Variants in GDA observed in about 807,000 individuals in gnomAD.
GDA encodes the protein guanine deaminase.
In GDA, 18 loss-of-function variants were observed where a neutral mutation model predicts 59.6. That is an observed-to-expected ratio of 0.30 (90% confidence interval 0.21 to 0.45). The LOEUF is 0.45. GDA is among the 20% of genes least tolerant of loss of function. GDA has a pLI of 1.00. For synonymous variants in GDA, 201 were observed against 201.1 expected, an observed-to-expected ratio of 1.00 and a Z score of 0.00; for missense variants, 427 against 552.3, an observed-to-expected ratio of 0.77 and a Z score of 2.27.
intron 11 of GDA, among the ~76,000 whole-genome samples, chr9:72,242,956 A>G (rs1168452846): frequency 6.6e-6 from 1 of 152,156 alleles, no homozygotes; most frequent in Non-Finnish European, 1.5e-5. Context: ...GTGCCTACCA[A>G]ATCATTTCTA....
intron 8 of GDA, among the ~76,000 whole-genome samples, chr9:72,226,733 A>G (rs1346419675): frequency 6.6e-6 from 1 of 152,222 alleles, no homozygotes; most frequent in African/African-American, 2.4e-5. Context: ...CATTCTTTAT[A>G]TATTTTCCAT....
intron 10 of GDA, among the ~76,000 whole-genome samples, chr9:72,237,780 T>A (rs1189198488): frequency 6.6e-6 from 1 of 152,134 alleles, no homozygotes; most frequent in East Asian, 1.9e-4. Context: ...GGAAACTTGA[T>A]CATTATCTTT....
intron 1 of GDA, among the ~76,000 whole-genome samples, chr9:72,151,274 A>G: frequency 6.6e-6 from 1 of 152,218 alleles, no homozygotes; most frequent in Non-Finnish European, 1.5e-5. Flanking sequence ...CCACAAGACA[A>G]AATGACTTAG....
chr9:72,241,405 G>C (rs1017557790), intron 11 of GDA, 107 bp downstream of exon 11: 2 of 779,494 alleles, frequency 2.6e-6, no homozygotes, highest in Non-Finnish European at 3.9e-6. Context: ...TCCAATATTT[G>C]TGATGATCAC....
intron 3 of GDA, among the ~76,000 whole-genome samples, chr9:72,205,124 A>AT (rs941569786): frequency 6.6e-5 from 10 of 151,722 alleles, no homozygotes; most frequent in African/African-American, 2.4e-4. Context: ...AAAAAAAAAA[A>AT]AAAAAAAATT....
chr9:72,133,312 AAT>A (rs1161680054), intron 1 of GDA, among the ~76,000 whole-genome samples: 2 of 119,764 alleles, frequency 1.7e-5, no homozygotes, highest in African/African-American at 5.7e-5. Context: ...AAAAAAAAAT[AAT>A]AATAATAATA....
chr9:72,225,089 C>A (rs769234771), intron 7 of GDA, among the ~76,000 whole-genome samples: 39 of 152,144 alleles, frequency 2.6e-4, no homozygotes, highest in Non-Finnish European at 5.1e-4. Context: ...TGAGACCAGC[C>A]TGGCCAACAT....
intron 1 of GDA, among the ~76,000 whole-genome samples, chr9:72,127,403 C>T (rs781249320): frequency 5.3e-5 from 8 of 151,978 alleles, no homozygotes; most frequent in Non-Finnish European, 1.0e-4. Flanking sequence ...CTTTGGAAGG[C>T]GGAGGTGGGC....
At chr9:72,238,962 G>C (rs11143192) in intron 10 of GDA, among the ~76,000 whole-genome samples, 15 of 152,146 alleles carry the variant, frequency 9.9e-5, no homozygotes, top group Non-Finnish European at 1.6e-4. Flanking sequence ...AAAGCAAAAA[G>C]TTCCATGCGC....
At chr9:72,145,763 G>T (rs533676851), upstream of GDA, among the ~76,000 whole-genome samples, 1 of 152,236 alleles carries the variant, frequency 6.6e-6, no homozygotes, top group South Asian at 2.1e-4. Context: ...CTCTATGTCT[G>T]AACATTCTCA....
intron 13 of GDA, 63 bp downstream of exon 13, chr9:72,247,496 G>C (rs1362607296): frequency 1.2e-6 from 1 of 864,462 alleles, no homozygotes; most frequent in African/African-American, 1.7e-5. Context: ...TTTTTCTTGG[G>C]TATGGCTCTA....
intron 1 of GDA, among the ~76,000 whole-genome samples, chr9:72,166,129 T>C (rs1829282638): frequency 6.6e-6 from 1 of 152,158 alleles, no homozygotes; most frequent in Admixed American, 6.5e-5. Flanking sequence ...TTTTTCACTG[T>C]CCTGACAATC....
At chr9:72,239,880 G>A (rs1230938713) in intron 10 of GDA, among the ~76,000 whole-genome samples, 2 of 152,036 alleles carry the variant, frequency 1.3e-5, no homozygotes, top group Non-Finnish European at 1.5e-5. Flanking sequence ...ACATAAAATT[G>A]AGCTACAATC....
intron 11 of GDA, among the ~76,000 whole-genome samples, chr9:72,244,360 A>C (rs1246949589): frequency 6.6e-6 from 1 of 152,172 alleles, no homozygotes; most frequent in African/African-American, 2.4e-5. Context: ...AAACTAAATC[A>C]TAATAATGAG....
intron 10 of GDA, among the ~76,000 whole-genome samples, chr9:72,234,437 A>G (rs1218432433): frequency 6.6e-6 from 1 of 152,244 alleles, no homozygotes. Context: ...TAAAAAAATG[A>G]CAAACCCACC....
At chr9:72,174,759 TATAGAG>T (rs1461828236) in intron 1 of GDA, among the ~76,000 whole-genome samples, 5 of 149,284 alleles carry the variant, frequency 3.3e-5, no homozygotes, top group African/African-American at 1.3e-4. Flanking sequence ...TATATATATA[TATAGAG>T]AGAGAGAGAG....
At chr9:72,126,791 G>A (rs992973164) in intron 1 of GDA, among the ~76,000 whole-genome samples, 16 of 151,730 alleles carry the variant, frequency 1.1e-4, no homozygotes, top group South Asian at 4.2e-4. Context: ...GGTCTTGAGC[G>A]CCTGACCTCA....
At chr9:72,164,160 C>T (rs867001860) in intron 1 of GDA, among the ~76,000 whole-genome samples, 2 of 152,140 alleles carry the variant, frequency 1.3e-5, no homozygotes, top group African/African-American at 4.8e-5. Flanking sequence ...GATATCTGAA[C>T]GGGCGATATA....
intron 1 of GDA, among the ~76,000 whole-genome samples, chr9:72,138,034 T>C (rs1826306036): frequency 6.6e-6 from 1 of 152,132 alleles, no homozygotes; most frequent in South Asian, 2.1e-4. Context: ...CTCTTTGTTG[T>C]GCTTATATGG....
Sources: gnomAD v4.1 joint callset for allele counts (sites outside exome capture counted in the v4.1 genomes callset) on GRCh38, gnomAD v4.1.1 for gene constraint, MANE v1.5 for transcripts, NCBI Gene and HGNC (gene_info 2026-07-23, HGNC 2026-07-21) for gene names.